Variants in NDUFAF6 observed in about 807,000 individuals in gnomAD.
NDUFAF6 encodes NADH:ubiquinone oxidoreductase complex assembly factor 6, also known as NADH dehydrogenase (ubiquinone) complex I, assembly factor 6.
In NDUFAF6, 45 loss-of-function variants were observed where a neutral mutation model predicts 40.8. The observed-to-expected ratio is 1.10, with a 90% confidence interval of 0.87 to 1.42. The LOEUF is 1.42. NDUFAF6 is among the 40% of genes most tolerant of loss of function. NDUFAF6 has a pLI of 0.00. For missense variants in NDUFAF6, 435 were observed against 418.5 expected, an observed-to-expected ratio of 1.04 and a Z score of -0.34; for synonymous variants, 185 against 155.9, an observed-to-expected ratio of 1.19 and a Z score of -1.39.
chr8:94,900,750 C>A (rs1207309264), intron 1 of NDUFAF6, among the ~76,000 whole-genome samples: 1 of 151,984 alleles, frequency 6.6e-6, no homozygotes, highest in East Asian at 1.9e-4. Flanking sequence ...GACTGGGGAA[C>A]AGAGGATAAA....
chr8:95,040,843 T>C (rs1830068174), intron 3 of NDUFAF6: 1 of 152,206 alleles, frequency 6.6e-6, no homozygotes, highest in African/African-American at 2.4e-5. Context: ...ATCTCTCCCC[T>C]GCCTCACCTT....
At chr8:94,940,743 G>T in intron 1 of NDUFAF6, 1 of 971,228 alleles carries the variant, frequency 1.0e-6, no homozygotes. Flanking sequence ...AAACCCCTCA[G>T]TTATTGGTTT....
chr8:95,064,166 A>G (rs1291900211), intron 9 of NDUFAF6, among the ~76,000 whole-genome samples: 1 of 149,926 alleles, frequency 6.7e-6, no homozygotes, highest in East Asian at 2.0e-4. Flanking sequence ...CTGGGATTAC[A>G]CGCGTGAGTC....
downstream of NDUFAF6, among the ~76,000 whole-genome samples, chr8:95,059,131 C>G (rs1363431719): frequency 1.3e-5 from 2 of 152,122 alleles, no homozygotes; most frequent in Non-Finnish European, 2.9e-5. Flanking sequence ...GGTAATCGGT[C>G]GATCTGACTC....
intron 2 of NDUFAF6, chr8:95,033,918 C>A: frequency 2.2e-6 from 1 of 445,572 alleles, no homozygotes; most frequent in Non-Finnish European, 4.5e-6. Flanking sequence ...GTCTTGGAGA[C>A]ACCATTGAAA....
At chr8:95,026,305 A>T (rs1828128900) in intron 1 of NDUFAF6, among the ~76,000 whole-genome samples, 1 of 152,060 alleles carries the variant, frequency 6.6e-6, no homozygotes, top group Non-Finnish European at 1.5e-5. Flanking sequence ...CCATCCCTAC[A>T]AAAAAATAAA....
At chr8:94,903,113 T>C (rs966552007) in intron 1 of NDUFAF6, among the ~76,000 whole-genome samples, 9 of 152,148 alleles carry the variant, frequency 5.9e-5, no homozygotes, top group African/African-American at 1.9e-4. Flanking sequence ...CTCACACTTA[T>C]AATCCCAGCA....
At chr8:95,027,579 CAAAAAA>C (rs1207611146) in intron 1 of NDUFAF6, among the ~76,000 whole-genome samples, 1 of 68,948 alleles carries the variant, frequency 1.5e-5, no homozygotes, top group Non-Finnish European at 3.0e-5. Context: ...GACCCTGTCT[CAAAAAA>C]AAAAAAAAAA....
At chr8:94,990,109 A>T (rs1398079537) in intron 2 of NDUFAF6, among the ~76,000 whole-genome samples, 1 of 152,192 alleles carries the variant, frequency 6.6e-6, no homozygotes, top group African/African-American at 2.4e-5. Context: ...TGAGTCAAGG[A>T]AAGGGTTGGC....
intron 1 of NDUFAF6, chr8:94,974,770 G>A (rs984628264): frequency 5.6e-6 from 1 of 179,670 alleles, no homozygotes; most frequent in Non-Finnish European, 1.2e-5. Flanking sequence ...CGCTCCCAGT[G>A]TATCAGTAGC....
At chr8:94,944,540 T>C (rs1821825588) in intron 1 of NDUFAF6, among the ~76,000 whole-genome samples, 1 of 152,220 alleles carries the variant, frequency 6.6e-6, no homozygotes. Context: ...AGTCAGAGGC[T>C]GCCTCCAGAT....
intron 1 of NDUFAF6, among the ~76,000 whole-genome samples, chr8:94,925,274 T>C (rs7845219): frequency 0.46 from 69,315 of 152,022 alleles, 16,671 homozygotes; most frequent in East Asian, 0.73. Flanking sequence ...TTATTCTGAA[T>C]GTTTACTGGC....
Position 95,025,091 on chromosome 8 carries a change from G to C in NDUFAF6, c.83G>C (p.Gly28Ala), listed in dbSNP as rs201223057. 4,822 of 1,481,506 alleles carry C rather than the reference G, an allele frequency of 3.3e-3. 12 individuals carry two copies. The highest frequency in any genetic ancestry group is 3.7e-3 in the Non-Finnish European group (4,221 of 1,126,744). 91.8% of individuals were successfully genotyped at this position (1,481,506 alleles called of 1,614,324 possible). A position where few individuals can be genotyped will look rare whatever the true frequency, so the allele number is the denominator to read the frequency against. ...PGLCCRRPPL[G>A]LYARMRRLPG... ...CTGTGCTGCCGCCGGCCGCCTCTGG[G>C]TCTGTACGCGCGCATGCGGCGGCTG... Residue 28 changes from glycine to alanine, a missense_variant, in exon 1 of 9, where the codon GGT becomes GCT. Physicochemically the swap from Gly to Ala is moderately conservative, Grantham distance 60. Coordinates refer to ENST00000396124, the MANE Select transcript of NDUFAF6 (RefSeq NM_152416.4).
intron 2 of NDUFAF6, among the ~76,000 whole-genome samples, chr8:95,018,182 G>A (rs1827544000): frequency 6.7e-6 from 1 of 148,670 alleles, no homozygotes; most frequent in African/African-American, 2.5e-5. Context: ...TGGGACCACA[G>A]GTGGGCACCA....
At chr8:94,904,053 G>A (rs1563695558) in intron 1 of NDUFAF6, among the ~76,000 whole-genome samples, 1 of 152,122 alleles carries the variant, frequency 6.6e-6, no homozygotes, top group Non-Finnish European at 1.5e-5. Flanking sequence ...CTAGGTCTGT[G>A]AACTGGGCCA....
chr8:95,116,726 C>T (rs1810143975), downstream of NDUFAF6, among the ~76,000 whole-genome samples: 1 of 152,188 alleles, frequency 6.6e-6, no homozygotes, highest in South Asian at 2.1e-4. Flanking sequence ...GAAAGTGACT[C>T]TGTGTGACTG....
intron 2 of NDUFAF6, among the ~76,000 whole-genome samples, chr8:95,004,371 T>TC (rs1490607641): frequency 7.1e-6 from 1 of 139,932 alleles, no homozygotes; most frequent in African/African-American, 2.5e-5. Context: ...TTTTTTTTTT[T>TC]TGAGACCGGG....
intron 2 of NDUFAF6, among the ~76,000 whole-genome samples, chr8:95,005,554 A>ATATAAATAT (rs1554657858): frequency 2.6e-5 from 3 of 115,336 alleles, no homozygotes; most frequent in Admixed American, 9.2e-5. Context: ...TATATATATA[A>ATATAAATAT]AAAATATATT....
At chr8:95,106,897 T>C (rs1175675828), downstream of NDUFAF6, among the ~76,000 whole-genome samples, 1 of 152,230 alleles carries the variant, frequency 6.6e-6, no homozygotes, top group African/African-American at 2.4e-5. Context: ...TCATCAACAC[T>C]GGTCATTAGA....
Sources: gnomAD v4.1 joint callset for allele counts (sites outside exome capture counted in the v4.1 genomes callset) on GRCh38, gnomAD v4.1.1 for gene constraint, MANE v1.5 for transcripts, NCBI Gene and HGNC (gene_info 2026-07-23, HGNC 2026-07-21) for gene names.